The following KIF26B variants were observed in gnomAD, a reference collection of about 807,000 sequenced individuals.
The protein encoded by KIF26B is kinesin-like protein KIF26B.
Under a neutral mutation model 151.2 loss-of-function variants are expected in KIF26B, and 63 were observed. The observed-to-expected ratio is 0.42, with a 90% CI of 0.34 to 0.51. The LOEUF is 0.51. Among genes scored for constraint, KIF26B ranks in the 20% least tolerant of loss-of-function variants. The probability of loss-of-function intolerance (pLI) is 0.07; values close to 1 mark genes in which losing one functional copy is unlikely to be tolerated. For missense variants in KIF26B, 2,813 were observed against 2,913.6 expected (o/e 0.97, Z 0.79); for synonymous variants, 1,357 against 1,262.1 (o/e 1.08, Z -1.59).
intron 8 of KIF26B, 148 bp downstream of exon 8, chr1:245,609,676 A>G: frequency 8.6e-6 from 7 of 810,940 alleles, no homozygotes; most frequent in East Asian, 3.0e-5. Flanking sequence ...TATGGCCTGC[A>G]GCTGTGGGGC....
At chr1:245,180,887 G>A (rs922939054) in intron 2 of KIF26B, among the ~76,000 whole-genome samples, 24 of 152,136 alleles carry the variant, frequency 1.6e-4, no homozygotes, top group Non-Finnish European at 2.9e-4. Context: ...CCTGGCTAGA[G>A]TGCTGTGAAA....
At chr1:245,340,803 A>G (rs1176597499) in intron 2 of KIF26B, among the ~76,000 whole-genome samples, 2 of 152,184 alleles carry the variant, frequency 1.3e-5, no homozygotes, top group Non-Finnish European at 2.9e-5. Flanking sequence ...GAAAGGCTCA[A>G]TGTGGAGACA....
At chr1:245,379,032 A>G (rs1283588228) in intron 3 of KIF26B, among the ~76,000 whole-genome samples, 2 of 152,244 alleles carry the variant, frequency 1.3e-5, no homozygotes, top group East Asian at 1.9e-4. Context: ...ATGTGACTCA[A>G]GTTAAATGGA....
At position 245,307,589 on chromosome 1, in the gene KIF26B, A is replaced by G. The variant is rs545089856; in HGVS notation, c.466-59245A>G. ...ACAAACCACCGCCTGTGTCTAACAA[A>G]TGCTGGCTTTTTGTCATATCTGCTT... On this transcript the variant is annotated intron_variant, in intron 2 of 14. Transcript: ENST00000407071. Among the ~76,000 whole-genome samples the G allele has an allele frequency of 1.6e-4, 24 of 152,338 alleles. No homozygotes were observed. The South Asian group carries it at 5.0e-3, about 32-fold the overall frequency.
At chr1:245,305,667 A>G (rs1197394731) in intron 2 of KIF26B, among the ~76,000 whole-genome samples, 1 of 152,164 alleles carries the variant, frequency 6.6e-6, no homozygotes, top group Non-Finnish European at 1.5e-5. Context: ...GGCCGGTCGC[A>G]GTGGCTCACG....
At chr1:245,559,994 C>T (rs1271953387) in intron 5 of KIF26B, among the ~76,000 whole-genome samples, 3 of 151,898 alleles carry the variant, frequency 2.0e-5, no homozygotes, top group Non-Finnish European at 2.9e-5. Context: ...CATCTGCTGT[C>T]GTCTCTGCCA....
chr1:245,512,789 G>A lies in KIF26B; in HGVS notation c.1167-27978G>A, dbSNP rs929463090. On this transcript the variant is annotated intron_variant, in intron 4 of 14. Coordinates refer to ENST00000407071, the MANE Select transcript of KIF26B (RefSeq NM_018012.4). The surrounding 1 kb of genome is among the most constrained non-coding windows in gnomAD (Gnocchi z 4.3). ...TTTCGATCTTGTGCCGTTTTGTTTT[G>A]GTTTCTTGTTTATGTGGACTCTGTT... Among the ~76,000 whole-genome samples the A allele has an allele frequency of 6.6e-6, 1 of 152,048 alleles. No homozygotes were observed. The highest frequency in any genetic ancestry group is 1.5e-5 in the Non-Finnish European group (1 of 68,010).
At chr1:245,691,739 A>C (rs1018445362) in intron 12 of KIF26B, among the ~76,000 whole-genome samples, 2 of 152,246 alleles carry the variant, frequency 1.3e-5, no homozygotes, top group African/African-American at 4.8e-5. Context: ...CTTAGTAAAA[A>C]TGAACTAGAA....
intron 4 of KIF26B, among the ~76,000 whole-genome samples, chr1:245,535,225 C>T (rs559922758): frequency 3.3e-5 from 5 of 151,998 alleles, no homozygotes; most frequent in Non-Finnish European, 7.4e-5. Flanking sequence ...AGCTGCTGAC[C>T]TCTAAGACAT....
intron 2 of KIF26B, among the ~76,000 whole-genome samples, chr1:245,261,467 T>TTC (rs376897211): frequency 2.7e-5 from 3 of 112,220 alleles, no homozygotes; most frequent in Non-Finnish European, 3.5e-5. Context: ...TTTTCTTTCT[T>TTC]TCTCTCTCTC....
At chr1:245,285,746 C>A (rs1439984165) in intron 2 of KIF26B, among the ~76,000 whole-genome samples, 1 of 151,450 alleles carries the variant, frequency 6.6e-6, no homozygotes, top group African/African-American at 2.4e-5. Context: ...AGTTTGAGAC[C>A]AGCCTGGTGC....
chr1:245,303,515 T>C (rs966191959), intron 2 of KIF26B, among the ~76,000 whole-genome samples: 5 of 152,168 alleles, frequency 3.3e-5, no homozygotes, highest in African/African-American at 9.7e-5. Flanking sequence ...TTCTTAAAGA[T>C]CCTTTCCAGC....
intron 4 of KIF26B, among the ~76,000 whole-genome samples, chr1:245,520,130 A>AGAGC (rs1420344399): frequency 3.3e-5 from 5 of 151,940 alleles, no homozygotes; most frequent in African/African-American, 1.2e-4. Context: ...AGAGAGAGAG[A>AGAGC]GAGAGAGAGA....
At chr1:245,599,877 C>G (rs2043373581) in intron 5 of KIF26B, among the ~76,000 whole-genome samples, 1 of 152,002 alleles carries the variant, frequency 6.6e-6, no homozygotes, top group African/African-American at 2.4e-5. Context: ...GGTTACTGTC[C>G]TGTATGTAGC....
chr1:245,272,506 T>C (rs1384575293), intron 2 of KIF26B, among the ~76,000 whole-genome samples: 1 of 152,114 alleles, frequency 6.6e-6, no homozygotes, highest in Admixed American at 6.5e-5. Context: ...TTTTATATTT[T>C]CTATTTCATT....
intron 9 of KIF26B, among the ~76,000 whole-genome samples, chr1:245,633,728 G>C (rs2043805567): frequency 6.6e-6 from 1 of 151,792 alleles, no homozygotes; most frequent in Non-Finnish European, 1.5e-5. Flanking sequence ...CTTTTTTTAA[G>C]GATAGCTTTC....
chr1:245,494,073 G>C (rs1017555010), intron 4 of KIF26B, among the ~76,000 whole-genome samples: 4 of 152,132 alleles, frequency 2.6e-5, no homozygotes, highest in African/African-American at 9.7e-5. Flanking sequence ...GGAGGCCGAG[G>C]TGGGTGGATC....
chr1:245,177,692 G>GTGTC (rs1558335224), intron 2 of KIF26B, among the ~76,000 whole-genome samples: 1 of 142,528 alleles, frequency 7.0e-6, no homozygotes, highest in Non-Finnish European at 1.5e-5. Context: ...GTGTGTGTGT[G>GTGTC]TGTCTTTCCC....
At chr1:245,370,560 A>G (rs1207856121) in intron 3 of KIF26B, 3 of 456,378 alleles carry the variant, frequency 6.6e-6, no homozygotes, top group African/African-American at 6.0e-5. Context: ...CAGACAACTC[A>G]CATTTCACCT....
Sources: gnomAD v4.1 joint callset for allele counts (sites outside exome capture counted in the v4.1 genomes callset) on GRCh38, gnomAD v4.1.1 for gene constraint, Gnocchi (gnomAD v3.1) non-coding constraint, MANE v1.5 for transcripts, NCBI Gene and HGNC (gene_info 2026-07-23, HGNC 2026-07-21) for gene names.